The following ZIK1 variants were observed in gnomAD, a reference collection of about 807,000 sequenced individuals.
The protein encoded by ZIK1 is zinc finger protein interacting with ribonucleoprotein K.
A neutral mutation model predicts 10.7 loss-of-function variants in ZIK1; 12 were observed. The ratio of observed to expected loss-of-function variants is 1.12; its 90% CI spans 0.72 to 1.81. ZIK1 has a LOEUF of 1.81. ZIK1 is among the 40% of genes most tolerant of loss of function. The pLI is 0.00. For missense variants in ZIK1, 497 were observed against 585.7 expected (o/e 0.85, Z 1.56); for synonymous variants, 190 against 205.0 (o/e 0.93, Z 0.63).
Position 57,584,239 on chromosome 19 carries a change from G to T in ZIK1, c.-118G>T. Reference sequence around the variant, plus strand: ...GACAGTCGGAAGGCGCGAGGGGAGGGGTCCTCCCGCTGAACAGTGGGGGTT... The same window carrying T: ...GACAGTCGGAAGGCGCGAGGGGAGGTGTCCTCCCGCTGAACAGTGGGGGTT... On this transcript the variant is annotated 5_prime_UTR_variant, in exon 1 of 4. Transcript: ENST00000597850. 1 of 1,452,624 alleles carries T rather than the reference G, an allele frequency of 6.9e-7. No individual in the cohort carries two copies. 90.0% of individuals were successfully genotyped at this position (1,452,624 alleles called of 1,614,324 possible).
In ZIK1 at chr19:57,584,365, G is replaced by A. The variant is rs370437164; in HGVS notation, c.9G>A (p.Ala3=). 6.2e-7 allele frequency: 1 copy of A among 1,603,576 alleles called. No homozygotes were observed. The highest frequency in any genetic ancestry group is 1.1e-5 in the South Asian group (1 of 89,208). Residue 3 remains alanine, a synonymous_variant, in exon 1 of 4, where the codon GCG becomes GCA. Coordinates refer to ENST00000597850, the MANE Select transcript of ZIK1 (RefSeq NM_001010879.4). The part of the protein sequence containing the change: MA[A]AALRAPTQVT... ...TCTGCCCACAGACTCCGATGGCTGC[G>A]GCCGCGCTGAGGGCCCCGACTCAGG... is the stretch of plus-strand genomic sequence containing the variant.
In ZIK1 at chr19:57,590,127, G is replaced by A. The variant is rs1416347857; in HGVS notation, c.316G>A (p.Val106Ile). The A allele has an allele frequency of 6.2e-7, 1 of 1,614,202 alleles. No homozygotes were observed. The highest frequency in any genetic ancestry group is 1.3e-5 in the African/African-American group (1 of 75,060). The change falls in exon 4 of 4, where the codon GTC becomes ATC. Residue 106 changes from valine to isoleucine, a missense_variant. Physicochemically the swap from Val to Ile is conservative, Grantham distance 29. Transcript: ENST00000597850. ...TQKTQSCEMC[V>I]PVLKDILHLA... is the part of the protein sequence containing the mutation. ...GAAGACTCAATCCTGTGAGATGTGTGTCCCAGTCCTGAAAGATATTTTGCA... is the reference window on the plus strand; with the variant it reads ...GAAGACTCAATCCTGTGAGATGTGTATCCCAGTCCTGAAAGATATTTTGCA...
At chr19:57,589,956 C>T in intron 3 of ZIK1, 55 bp from the exon 4 acceptor site, 2 of 1,559,606 alleles carry the variant, frequency 1.3e-6, no homozygotes, top group East Asian at 2.3e-5. Context: ...TGTAATGGGG[C>T]TTCTTGCTCT....
chr19:57,591,251 TCAC>T lies in ZIK1; in HGVS notation c.1443_1445del (p.His481del), dbSNP rs1979674983. The T allele has an allele frequency of 6.2e-7, 1 of 1,610,508 alleles. No homozygotes were observed. Among genetic ancestry groups the T allele is most frequent in the Non-Finnish European group, 8.5e-7 (1 of 1,177,938 alleles). On this transcript the variant is annotated inframe_deletion, in exon 4 of 4. Transcript: ENST00000597850. The stretch of plus-strand genomic sequence containing the variant: ...TTAGCCAATGCTCCAGCCTCATACA[TCAC>T]CAAAAATGTCATAACACATAGAGGC...
chr19:57,586,964 A>G (rs1979214242), intron 2 of ZIK1, among the ~76,000 whole-genome samples: 1 of 152,202 alleles, frequency 6.6e-6, no homozygotes, highest in South Asian at 2.1e-4. Context: ...TGTAAGGAAA[A>G]AGAGGTTTAA....
At chr19:57,587,342 G>A (rs1979256825) in intron 2 of ZIK1, among the ~76,000 whole-genome samples, 1 of 152,218 alleles carries the variant, frequency 6.6e-6, no homozygotes, top group South Asian at 2.1e-4. Context: ...ATGACACTGA[G>A]GCCAGGTACA....
chr19:57,584,374 G>T lies in ZIK1; in HGVS notation c.18G>T (p.Leu6=), dbSNP rs1293272755. The part of the protein sequence containing the change: MAAAA[L]RAPTQVTVSP... Reference sequence around the variant, plus strand: ...AGACTCCGATGGCTGCGGCCGCGCTGAGGGCCCCGACTCAGGTGAGCGCTG... The same window carrying T: ...AGACTCCGATGGCTGCGGCCGCGCTTAGGGCCCCGACTCAGGTGAGCGCTG... The change falls in exon 1 of 4, where the codon CTG becomes CTT. Residue 6 remains leucine (L), a synonymous_variant. Transcript: ENST00000597850. The T allele has an allele frequency of 6.2e-7, 1 of 1,606,298 alleles. No individual in the cohort carries two copies. Among genetic ancestry groups the T allele is most frequent in the African/African-American group, 1.3e-5 (1 of 74,890 alleles).
intron 2 of ZIK1, among the ~76,000 whole-genome samples, chr19:57,588,236 C>T (rs979612324): frequency 6.6e-6 from 1 of 152,068 alleles, no homozygotes; most frequent in African/African-American, 2.4e-5. Context: ...GCATTGAGGA[C>T]TTAAGGGTCA....
chr19:57,584,951 G>T lies in ZIK1; in HGVS notation c.34-1G>T. On this transcript the variant is annotated splice_acceptor_variant, in intron 1 of 3. Transcript: ENST00000597850. LOFTEE classifies it high-confidence loss of function. The stretch of plus-strand genomic sequence containing the variant: ...CTTTCATGATCTTTGGCTTTCCACA[G>T]GTTACTGTGTCTCCAGAAACACATA... 1.9e-6 allele frequency: 3 copies of T among 1,613,952 alleles called. No homozygotes were observed. Among genetic ancestry groups the T allele is most frequent in the Non-Finnish European group, 2.5e-6 (3 of 1,179,944 alleles).
chr19:57,584,468 T>C (rs1978947400), intron 1 of ZIK1, 79 bp downstream of exon 1: 3 of 1,529,354 alleles, frequency 2.0e-6, no homozygotes, highest in East Asian at 4.9e-5. Flanking sequence ...GAGATCCTCA[T>C]GTCCAGTACA....
Position 57,584,270 on chromosome 19 carries a change from G to C in ZIK1, c.-87G>C, listed in dbSNP as rs746954203. On this transcript the variant is annotated 5_prime_UTR_variant, in exon 1 of 4. Coordinates refer to ENST00000597850, the MANE Select transcript of ZIK1 (RefSeq NM_001010879.4). ...CCCGCTGAACAGTGGGGGTTCTAAGGGTCGGCGGCGGCGGGGTTGACGGCT... is the reference window on the plus strand; with the variant it reads ...CCCGCTGAACAGTGGGGGTTCTAAGCGTCGGCGGCGGCGGGGTTGACGGCT... The C allele has an allele frequency of 1.1e-4, 162 of 1,517,458 alleles. No homozygotes were observed. Among genetic ancestry groups the C allele is most frequent in the Non-Finnish European group, 1.3e-4 (152 of 1,130,944 alleles). The allele number at this position is 1,517,458 out of a possible 1,614,324, so 94.0% of individuals were successfully genotyped here. A position where few individuals can be genotyped will look rare whatever the true frequency, so the allele number is the denominator to read the frequency against.
intron 2 of ZIK1, 147 bp downstream of exon 2, chr19:57,585,137 T>C (rs1188819804): frequency 1.4e-6 from 1 of 693,594 alleles, no homozygotes; most frequent in Non-Finnish European, 2.3e-6. Context: ...TGGTGGTTAT[T>C]TGTAGACGTT....
rs1568616111 is a variant in ZIK1, at chr19:57,590,742, G to T, written c.931G>T (p.Val311Phe). Reference protein sequence around the residue: ...GKLFRQNSSLVDHQKIHTGAR... With the variant: ...GKLFRQNSSLFDHQKIHTGAR... ...ATTATTTAGACAAAACTCCAGCCTT[G>T]TTGACCACCAGAAAATACACACTGG... The change falls in exon 4 of 4, where the codon GTT becomes TTT. Residue 311 changes from valine (V) to phenylalanine (F), a missense_variant. Transcript: ENST00000597850. 5 of 1,613,868 alleles carry T rather than the reference G, an allele frequency of 3.1e-6. No individual in the cohort carries two copies. The highest frequency in any genetic ancestry group is 2.7e-5 in the African/African-American group (2 of 74,862).
chr19:57,589,877 C>A, intron 3 of ZIK1, 134 bp from the exon 4 acceptor site: 1 of 1,188,462 alleles, frequency 8.4e-7, no homozygotes, highest in African/African-American at 1.5e-5. Context: ...CAAAGCAACC[C>A]CTTCCTCAAC....
Position 57,588,619 on chromosome 19 carries a change from G to A in ZIK1, c.153G>A (p.Leu51=), listed in dbSNP as rs1979374080. 1.3e-6 allele frequency: 2 copies of A among 1,587,086 alleles called. No individual in the cohort carries two copies. Among genetic ancestry groups the A allele is most frequent in the Non-Finnish European group, 1.7e-6 (2 of 1,164,292 alleles). Reference sequence around the variant, plus strand: ...TTCTTGATGAGGCTCAGAGACTCCTGTACCTTGAAGTGATGCTGGAGAACT... The same window carrying A: ...TTCTTGATGAGGCTCAGAGACTCCTATACCTTGAAGTGATGCTGGAGAACT... The part of the protein sequence containing the change: ...WGLLDEAQRL[L]YLEVMLENFA... The change falls in exon 3 of 4, where the codon CTG becomes CTA. Residue 51 remains leucine, a synonymous_variant. Transcript: ENST00000597850.
At position 57,590,590 on chromosome 19, in the gene ZIK1, T is replaced by A; in HGVS notation, c.779T>A (p.Val260Asp). Residue 260 changes from valine (V) to aspartate (D), a missense_variant, in exon 4 of 4, where the codon GTC becomes GAC. Val to Asp is a radical substitution (Grantham distance 152, BLOSUM62 -3). Coordinates refer to ENST00000597850, the MANE Select transcript of ZIK1 (RefSeq NM_001010879.4). Reference protein sequence around the residue: ...GKYSLVQHQRVHTGERPWECN... With the variant: ...GKYSLVQHQRDHTGERPWECN... ...TACTCACTTGTTCAGCACCAGAGAG[T>A]CCATACTGGAGAAAGGCCTTGGGAG... 2 of 1,614,034 alleles carry A rather than the reference T, an allele frequency of 1.2e-6. No individual in the cohort carries two copies. Among genetic ancestry groups the A allele is most frequent in the Non-Finnish European group, 1.7e-6 (2 of 1,180,008 alleles).
At chr19:57,587,325 G>T (rs1979254545) in intron 2 of ZIK1, among the ~76,000 whole-genome samples, 1 of 152,174 alleles carries the variant, frequency 6.6e-6, no homozygotes, top group Non-Finnish European at 1.5e-5. Context: ...GAAATAATTG[G>T]TAGAAGATGA....
rs370532713 is a variant in ZIK1, at chr19:57,591,245, C to A, written c.1434C>A (p.Leu478=). The A allele has an allele frequency of 4.3e-6, 7 of 1,611,454 alleles. No individual in the cohort carries two copies. The African/African-American group carries it at 8.0e-5, about 18-fold the overall frequency. The change falls in exon 4 of 4, where the codon CTC becomes CTA. Residue 478 remains leucine, a synonymous_variant. Coordinates refer to ENST00000597850, the MANE Select transcript of ZIK1 (RefSeq NM_001010879.4). ...ATTCCTTTAGCCAATGCTCCAGCCT[C>A]ATACATCACCAAAAATGTCATAACA... ...CGNSFSQCSS[L]IHHQKCHNT
At chr19:57,584,863 G>A (rs1460937233) in intron 1 of ZIK1, 89 bp from the exon 2 acceptor site, 2 of 1,468,462 alleles carry the variant, frequency 1.4e-6, no homozygotes, top group African/African-American at 2.8e-5. Flanking sequence ...CAGTCCACCT[G>A]GCTCTGGCCT....
Sources: allele counts gnomAD v4.1 joint callset (sites outside exome capture counted in the v4.1 genomes callset), GRCh38; gene constraint gnomAD v4.1.1; transcripts MANE v1.5; gene names NCBI Gene and HGNC (gene_info 2026-07-23, HGNC 2026-07-21).